Variants in CAND1 observed in about 807,000 individuals in gnomAD.
The protein encoded by CAND1 is cullin associated and neddylation dissociated 1.
A neutral mutation model predicts 108.5 loss-of-function variants in CAND1; 7 were observed. The ratio of observed to expected loss-of-function variants is 0.06; its 90% CI spans 0.04 to 0.12. CAND1 has a LOEUF of 0.12. CAND1 is among the 10% of genes least tolerant of loss of function. CAND1 has a pLI of 1.00. For synonymous variants in CAND1, 534 were observed against 512.0 expected (o/e 1.04, Z -0.58); for missense variants, 941 against 1,448.7 (o/e 0.65, Z 5.69).
rs1242249793 is a variant in CAND1, at chr12:67,305,259, C to G, written c.1591C>G (p.Pro531Ala). The change falls in exon 10 of 15, where the codon CCA becomes GCA. Residue 531 changes from proline (P) to alanine (A), a missense_variant. Transcript: ENST00000545606. The surrounding 1 kb of genome is among the most constrained non-coding windows in gnomAD (Gnocchi z 4.4). The stretch of plus-strand genomic sequence containing the variant: ...TCCAGTGGTGGCTTGTGTTGGAGAC[C>G]CATTTTACAAAATTACATCTGAAGC... ...VPPVVACVGD[P>A]FYKITSEALL... is the part of the protein sequence containing the mutation. 17 of 1,614,012 alleles carry G rather than the reference C, an allele frequency of 1.1e-5. No individual in the cohort carries two copies. The highest frequency in any genetic ancestry group is 1.4e-5 in the Non-Finnish European group (16 of 1,180,026).
chr12:67,297,312 A>C, intron 4 of CAND1, 95 bp from the exon 5 acceptor site: 1 of 1,150,830 alleles, frequency 8.7e-7, no homozygotes, highest in South Asian at 1.2e-5. Flanking sequence ...TTGTGTTCTG[A>C]ATATTTGCAT....
At chr12:67,290,842 C>T (rs941025640) in intron 2 of CAND1, among the ~76,000 whole-genome samples, 28 of 152,116 alleles carry the variant, frequency 1.8e-4, no homozygotes, top group African/African-American at 5.3e-4. Flanking sequence ...GAGCAGAGGG[C>T]GAGCCAGCAT....
chr12:67,309,862 T>C, intron 11 of CAND1, 39 bp from the exon 12 acceptor site: 1 of 1,424,714 alleles, frequency 7.0e-7, no homozygotes, highest in South Asian at 1.3e-5. Flanking sequence ...TATTTTAAGT[T>C]TATCATGTCT....
intron 2 of CAND1, among the ~76,000 whole-genome samples, chr12:67,284,740 C>T (rs925965327): frequency 2.0e-5 from 3 of 151,676 alleles, no homozygotes; most frequent in Admixed American, 2.0e-4. Flanking sequence ...TTTCTTCAGC[C>T]CATGCACACA....
Position 67,312,613 on chromosome 12 carries a change from C to A in CAND1, c.3476C>A (p.Ala1159Glu). The part of the protein sequence containing the change: ...LRATCTTKVK[A>E]NSVKQEFEKQ... ...GTTTACTCCATCTTACAGGTAAAGG[C>A]AAACTCAGTAAAGCAGGAGTTTGAA... The change falls in exon 15 of 15, where the codon GCA becomes GAA. Residue 1159 changes from alanine to glutamate, a missense_variant. Coordinates refer to ENST00000545606, the MANE Select transcript of CAND1 (RefSeq NM_018448.5). 1 of 1,603,072 alleles carries A rather than the reference C, an allele frequency of 6.2e-7. No individual in the cohort carries two copies. Among genetic ancestry groups the A allele is most frequent in the Non-Finnish European group, 8.5e-7 (1 of 1,174,844 alleles).
chr12:67,301,990 TATAA>T (rs1292994766), intron 7 of CAND1, among the ~76,000 whole-genome samples: 2 of 152,204 alleles, frequency 1.3e-5, no homozygotes, highest in African/African-American at 2.4e-5. Context: ...AATTTATGAC[TATAA>T]ATATTTATAT....
At position 67,318,205 on chromosome 12, in the gene CAND1, A is replaced by T. The variant is rs1170175851; in HGVS notation, c.*5375A>T. ...GGCAGGGGAATTGCTTGAACCTGGG[A>T]GGTGGAGGTTGCAGTGACCCAAGAT... On this transcript the variant is annotated 3_prime_UTR_variant, in exon 15 of 15. Coordinates refer to ENST00000545606, the MANE Select transcript of CAND1 (RefSeq NM_018448.5). 1 of 152,324 alleles carries T rather than the reference A, an allele frequency of 6.6e-6. No individual in the cohort carries two copies. The highest frequency in any genetic ancestry group is 1.5e-5 in the Non-Finnish European group (1 of 68,170). The allele number at this position is 152,324 out of a possible 1,614,324, so 9.4% of individuals were successfully genotyped here.
intron 13 of CAND1, chr12:67,311,213 T>C (rs931010652): frequency 1.4e-5 from 2 of 142,208 alleles, no homozygotes; most frequent in Non-Finnish European, 3.1e-5. Context: ...TCTATGAGTT[T>C]ATAGTCCAAG....
intron 2 of CAND1, among the ~76,000 whole-genome samples, chr12:67,285,887 C>A (rs553681066): frequency 6.6e-6 from 1 of 152,046 alleles, no homozygotes; most frequent in South Asian, 2.1e-4. Context: ...GATTAGTAGT[C>A]CATTGATGGT....
At chr12:67,291,163 A>G (rs1433611248) in intron 2 of CAND1, among the ~76,000 whole-genome samples, 2 of 152,226 alleles carry the variant, frequency 1.3e-5, no homozygotes, top group Admixed American at 6.5e-5. Flanking sequence ...ACTTTCCTCC[A>G]TCCTCAAGAA....
At chr12:67,310,378 A>C in intron 13 of CAND1, 62 bp downstream of exon 13, 1 of 1,217,156 alleles carries the variant, frequency 8.2e-7, no homozygotes, top group Non-Finnish European at 1.2e-6. Flanking sequence ...AGCAACTTTC[A>C]CCCTTGTAAT....
At chr12:67,302,208 T>TA (rs1214918673) in intron 7 of CAND1, 115 bp from the exon 8 acceptor site, 38 of 865,062 alleles carry the variant, frequency 4.4e-5, no homozygotes, top group East Asian at 3.4e-4. Flanking sequence ...TTGCTGTATA[T>TA]GTTACCGGAA....
chr12:67,297,341 A>G (rs1454701412), intron 4 of CAND1, 66 bp from the exon 5 acceptor site: 3 of 1,428,588 alleles, frequency 2.1e-6, no homozygotes, highest in African/African-American at 2.8e-5. Context: ...GAGGCCAGAC[A>G]TTTAGTAGTG....
At chr12:67,296,992 T>G (rs1008074990) in intron 4 of CAND1, among the ~76,000 whole-genome samples, 1 of 151,674 alleles carries the variant, frequency 6.6e-6, no homozygotes, top group Admixed American at 6.6e-5. Context: ...GAGATGAGGT[T>G]TTGCCATGTT....
chr12:67,294,605 G>T (rs1349871262), intron 3 of CAND1, among the ~76,000 whole-genome samples: 1 of 152,122 alleles, frequency 6.6e-6, no homozygotes, highest in African/African-American at 2.4e-5. Context: ...AGATAGCATA[G>T]TTATCTATCT....
intron 7 of CAND1, among the ~76,000 whole-genome samples, chr12:67,301,603 G>GT (rs1392743342): frequency 6.6e-6 from 1 of 152,132 alleles, no homozygotes; most frequent in African/African-American, 2.4e-5. Flanking sequence ...TGCTTTGAAT[G>GT]TTTAAGGTTT....
chr12:67,284,705 TACACAC>T (rs138518839), intron 2 of CAND1, among the ~76,000 whole-genome samples: 6 of 113,168 alleles, frequency 5.3e-5, no homozygotes, highest in Admixed American at 1.8e-4. Flanking sequence ...CACATGCATG[TACACAC>T]ACACACACAC....
In CAND1 at chr12:67,312,737, A is replaced by G; in HGVS notation, c.3600A>G (p.Ser1200=). The part of the protein sequence containing the change: ...EKSPLMSEFQ[S]QISSNPELAA... ...GTCCACTGATGAGTGAATTCCAGTC[A>G]CAGATCAGTTCTAACCCTGAGCTGG... Residue 1200 remains serine, a synonymous_variant, in exon 15 of 15, where the codon TCA becomes TCG. Coordinates refer to ENST00000545606, the MANE Select transcript of CAND1 (RefSeq NM_018448.5). 2 of 1,613,874 alleles carry G rather than the reference A, an allele frequency of 1.2e-6. No individual in the cohort carries two copies. The highest frequency in any genetic ancestry group is 1.7e-6 in the Non-Finnish European group (2 of 1,179,832).
At chr12:67,306,654 A>G in intron 10 of CAND1, 57 bp downstream of exon 10, 1 of 1,287,516 alleles carries the variant, frequency 7.8e-7, no homozygotes, top group East Asian at 2.3e-5. Context: ...GGTTGCCTTA[A>G]AAGACACCTA....
Sources: gnomAD v4.1 joint callset for allele counts (sites outside exome capture counted in the v4.1 genomes callset) on GRCh38, gnomAD v4.1.1 for gene constraint, Gnocchi (gnomAD v3.1) non-coding constraint, MANE v1.5 for transcripts, NCBI Gene and HGNC (gene_info 2026-07-23, HGNC 2026-07-21) for gene names.